The following PRMT8 variants were observed in gnomAD, a reference collection of about 807,000 sequenced individuals.
PRMT8 encodes protein arginine methyltransferase 8.
A neutral mutation model predicts 47.1 loss-of-function variants in PRMT8; 7 were observed. The ratio of observed to expected loss-of-function variants is 0.15; its 90% confidence interval spans 0.08 to 0.28. The LOEUF (loss-of-function observed/expected upper bound fraction) is 0.28. Ranked by LOEUF, PRMT8 falls within the 10% of genes least tolerant of loss-of-function variation. PRMT8 has a pLI of 1.00. For synonymous variants in PRMT8, 188 were observed against 186.5 expected (o/e 1.01, Z -0.07); for missense variants, 237 against 505.4 (o/e 0.47, Z 5.09).
intron 1 of PRMT8, among the ~76,000 whole-genome samples, chr12:3,393,548 G>A (rs1269066439): frequency 5.3e-5 from 8 of 152,124 alleles, no homozygotes; most frequent in African/African-American, 1.9e-4. Context: ...ATTTCTGAGG[G>A]CTCTGTTCTG....
intron 1 of PRMT8, among the ~76,000 whole-genome samples, chr12:3,448,983 C>T (rs540705857): frequency 5.7e-4 from 87 of 152,168 alleles, no homozygotes; most frequent in African/African-American, 1.3e-3. Flanking sequence ...TGAGAACACG[C>T]GGTGTTTGGT....
At chr12:3,533,215 G>A (rs1337614204) in intron 1 of PRMT8, among the ~76,000 whole-genome samples, 1 of 152,162 alleles carries the variant, frequency 6.6e-6, no homozygotes, top group Non-Finnish European at 1.5e-5. Context: ...TCTGGAGAGC[G>A]TCTGTGCCTA....
chr12:3,577,678 ATT>A (rs35046315), intron 7 of PRMT8, among the ~76,000 whole-genome samples: 1 of 151,058 alleles, frequency 6.6e-6, no homozygotes, highest in South Asian at 2.1e-4. Context: ...TTTTTGTGGG[ATT>A]TTTTTTTTAG....
At chr12:3,517,782 G>A (rs1001875961) in intron 1 of PRMT8, among the ~76,000 whole-genome samples, 1 of 152,136 alleles carries the variant, frequency 6.6e-6, no homozygotes, top group Non-Finnish European at 1.5e-5. Context: ...CCGCTGGGGA[G>A]AATGTTGCAG....
rs532613041 is a variant in PRMT8, at chr12:3,498,652, C to T, written c.75+6952C>T. Among the ~76,000 whole-genome samples the T allele has an allele frequency of 4.5e-4, 69 of 152,306 alleles. 1 individual carries two copies. The highest frequency in any genetic ancestry group is 1.3e-3 in the African/African-American group (55 of 41,564). ...ACTTGTCTAACAAAGTATAGCTCTT[C>T]GGAAGCTTGACCCTAGGCCATCAAT... On this transcript the variant is annotated intron_variant, in intron 1 of 9. Transcript: ENST00000382622.
chr12:3,541,848 G>A (rs765555041), intron 2 of PRMT8, among the ~76,000 whole-genome samples: 1 of 152,296 alleles, frequency 6.6e-6, no homozygotes, highest in South Asian at 2.1e-4. Flanking sequence ...ATCCTGCAAG[G>A]TTGGTGTTAT....
chr12:3,550,190 C>T lies in PRMT8; in HGVS notation c.417+99C>T. 1.3e-6 allele frequency: 2 copies of T among 1,493,900 alleles called. No individual in the cohort carries two copies. The highest frequency in any genetic ancestry group is 1.8e-6 in the Non-Finnish European group (2 of 1,093,854). 92.5% of individuals were successfully genotyped at this position (1,493,900 alleles called of 1,614,324 possible). A position where few individuals can be genotyped will look rare whatever the true frequency, so the allele number is the denominator to read the frequency against. On this transcript the variant is annotated intron_variant, in intron 3 of 9. Transcript: ENST00000382622. The surrounding 1 kb of genome is among the most constrained non-coding windows in gnomAD (Gnocchi z 5.1). The stretch of plus-strand genomic sequence containing the variant: ...TCTAGAAGTACAAAATTTGGTCCAT[C>T]TCTTTTGCTGGGGTCACACCTTCGA...
chr12:3,384,578 T>C (rs2137042348), intron 1 of PRMT8, among the ~76,000 whole-genome samples: 1 of 152,316 alleles, frequency 6.6e-6, no homozygotes, highest in African/African-American at 2.4e-5. Flanking sequence ...TCTCTGGGCT[T>C]TCCCCTCGTG....
At position 3,583,106 on chromosome 12, in the gene PRMT8, G is replaced by T; in HGVS notation, c.877G>T (p.Ala293Ser). Residue 293 changes from alanine (A) to serine (S), a missense_variant, in exon 8 of 10, where the codon GCA becomes TCA. Ala to Ser is a moderately conservative substitution (Grantham distance 99). Around this residue, in one of 5 missense-constraint regions of PRMT8, gnomAD observed 151 missense variants for 341.1 expected, o/e 0.44. Transcript: ENST00000382622. The surrounding 1 kb of genome is among the most constrained non-coding windows in gnomAD (Gnocchi z 4.7). ...VKTEELSFTS[A>S]FCLQIQRNDY... Reference sequence around the variant, plus strand: ...GACGGAAGAGCTATCGTTCACATCTGCATTCTGCCTGCAGATACAGCGCAA... The same window carrying T: ...GACGGAAGAGCTATCGTTCACATCTTCATTCTGCCTGCAGATACAGCGCAA... The T allele has an allele frequency of 6.2e-7, 1 of 1,614,096 alleles. No individual in the cohort carries two copies. The highest frequency in any genetic ancestry group is 1.1e-5 in the South Asian group (1 of 91,070).
chr12:3,450,924 C>T (rs1403930902), intron 1 of PRMT8, among the ~76,000 whole-genome samples: 1 of 150,104 alleles, frequency 6.7e-6, no homozygotes, highest in African/African-American at 2.5e-5. Context: ...TGTGCTAAGG[C>T]AAAGCAGTTT....
intron 1 of PRMT8, chr12:3,463,068 G>A (rs988262847): frequency 2.0e-5 from 3 of 152,288 alleles, no homozygotes; most frequent in Admixed American, 2.0e-4. Context: ...TGGGATCAGG[G>A]ACATCTGGGA....
In PRMT8 at chr12:3,592,286, C is replaced by T. The variant is rs901331466; in HGVS notation, c.1035C>T (p.Tyr345=). ...WKQTVFYLED[Y]LTVRRGEEIY... ...AGACCGTCTTCTACTTGGAAGATTA[C>T]CTCACTGTCCGGAGGGGGGAGGAAA... Residue 345 remains tyrosine (Y), a synonymous_variant, in exon 9 of 10, where the codon TAC becomes TAT. Coordinates refer to ENST00000382622, the MANE Select transcript of PRMT8 (RefSeq NM_019854.5). The T allele has an allele frequency of 1.3e-6, 2 of 1,597,428 alleles. No homozygotes were observed. Among genetic ancestry groups the T allele is most frequent in the Non-Finnish European group, 1.7e-6 (2 of 1,173,316 alleles).
intron 1 of PRMT8, among the ~76,000 whole-genome samples, chr12:3,390,859 C>T (rs898986702): frequency 3.9e-5 from 6 of 152,174 alleles, no homozygotes; most frequent in East Asian, 3.8e-4. Context: ...ACTGAGCCTC[C>T]GGAGCCTAGC....
intron 1 of PRMT8, among the ~76,000 whole-genome samples, chr12:3,384,478 T>G (rs1368514891): frequency 6.6e-6 from 1 of 152,214 alleles, no homozygotes; most frequent in Non-Finnish European, 1.5e-5. Flanking sequence ...TGTATTTTTT[T>G]CTCTGAACAA....
At position 3,593,886 on chromosome 12, in the gene PRMT8, G is replaced by A. The variant is rs1038736599; in HGVS notation, c.*704G>A. ...ATGAAACATTCTCTGTACTAGTTCT[G>A]GTCTCCTTTTGACTGGACTGTGGCT... On this transcript the variant is annotated 3_prime_UTR_variant, in exon 10 of 10. Transcript: ENST00000382622. This position sits in a 1 kb window ranked among gnomAD's most constrained non-coding sequence, Gnocchi z 4.8. The A allele has an allele frequency of 1.3e-5, 2 of 152,930 alleles. No homozygotes were observed. The highest frequency in any genetic ancestry group is 1.5e-5 in the Non-Finnish European group (1 of 68,256). The allele number at this position is 152,930 out of a possible 1,614,324, so 9.5% of individuals were successfully genotyped here. A position where few individuals can be genotyped will look rare whatever the true frequency, so the allele number is the denominator to read the frequency against.
chr12:3,592,910 T>C (rs1867341422), intron 9 of PRMT8, among the ~76,000 whole-genome samples, 189 bp from the exon 10 acceptor site: 1 of 152,174 alleles, frequency 6.6e-6, no homozygotes. Context: ...TGGAAGAACT[T>C]CCTGTGAGGA....
At chr12:3,540,476 C>G (rs970432358) in intron 1 of PRMT8, 130 bp from the exon 2 acceptor site, 1 of 654,700 alleles carries the variant, frequency 1.5e-6, no homozygotes, top group Non-Finnish European at 2.7e-6. Context: ...CACCTACCTC[C>G]CTTTCAGGAA....
intron 9 of PRMT8, among the ~76,000 whole-genome samples, 195 bp downstream of exon 9, chr12:3,592,547 T>C (rs1394746453): frequency 6.6e-6 from 1 of 151,850 alleles, no homozygotes; most frequent in Non-Finnish European, 1.5e-5. Context: ...ACTCCGCAAA[T>C]AGAGGTTTTC....
At chr12:3,475,348 T>C (rs1865201640) in intron 1 of PRMT8, among the ~76,000 whole-genome samples, 1 of 152,230 alleles carries the variant, frequency 6.6e-6, no homozygotes, top group Non-Finnish European at 1.5e-5. Flanking sequence ...GATAGAATCG[T>C]GGACATTTGC....
Sources: gnomAD v4.1 joint callset for allele counts (sites outside exome capture counted in the v4.1 genomes callset) on GRCh38, gnomAD v4.1.1 for gene constraint, gnomAD v4.1.1 regional missense constraint, Gnocchi (gnomAD v3.1) non-coding constraint, MANE v1.5 for transcripts, NCBI Gene and HGNC (gene_info 2026-07-23, HGNC 2026-07-21) for gene names.